MPHOSPH8: variants seen among roughly 807,000 people sequenced by gnomAD.
MPHOSPH8 encodes M-phase phosphoprotein, mpp.
A neutral mutation model predicts 87.3 loss-of-function variants in MPHOSPH8; 45 were observed. The observed-to-expected ratio is 0.52, with a 90% CI of 0.41 to 0.66. The LOEUF (loss-of-function observed/expected upper bound fraction) is 0.66, where lower values mean the gene tolerates loss of function less well. MPHOSPH8 is among the 30% of genes least tolerant of loss of function. MPHOSPH8 has a pLI of 0.00. For missense variants in MPHOSPH8, 883 were observed against 1,020.2 expected (o/e 0.87, Z 1.83); for synonymous variants, 366 against 376.9 (o/e 0.97, Z 0.33).
At chr13:19,643,119 G>A (rs1328078808) in intron 2 of MPHOSPH8, among the ~76,000 whole-genome samples, 1 of 152,080 alleles carries the variant, frequency 6.6e-6, no homozygotes, top group Non-Finnish European at 1.5e-5. Flanking sequence ...TCTTTTTTGA[G>A]TAAACATGGA....
intron 11 of MPHOSPH8, 98 bp from the exon 12 acceptor site, chr13:19,670,138 A>G: frequency 2.1e-6 from 3 of 1,455,338 alleles, no homozygotes; most frequent in South Asian, 2.5e-5. Context: ...CTGTCTGACC[A>G]GGCCCAGCTC....
chr13:19,668,542 G>A lies in MPHOSPH8; in HGVS notation c.2329+11G>A. On this transcript the variant is annotated intron_variant, in intron 11 of 13. Coordinates refer to ENST00000361479, the MANE Select transcript of MPHOSPH8 (RefSeq NM_017520.4). Reference sequence around the variant, plus strand: ...AGAACATACCAGAAGGTAAGCCGATGCCTCCCTTCACACTTTTCTATGTGA... The same window carrying A: ...AGAACATACCAGAAGGTAAGCCGATACCTCCCTTCACACTTTTCTATGTGA... 6.2e-7 allele frequency: 1 copy of A among 1,609,950 alleles called. No homozygotes were observed. The highest frequency in any genetic ancestry group is 8.5e-7 in the Non-Finnish European group (1 of 1,178,154).
At chr13:19,651,450 C>T (rs1247461570) in intron 5 of MPHOSPH8, among the ~76,000 whole-genome samples, 1 of 151,678 alleles carries the variant, frequency 6.6e-6, no homozygotes, top group Non-Finnish European at 1.5e-5. Context: ...TTGCTTGAAC[C>T]TGGGAGGCGG....
rs1876157478 is a variant in MPHOSPH8, at chr13:19,671,998, C to T, written c.*123C>T. 1.0e-6 allele frequency: 1 copy of T among 984,494 alleles called. No individual in the cohort carries two copies. The highest frequency in any genetic ancestry group is 1.4e-5 in the South Asian group (1 of 71,082). The allele number at this position is 984,494 out of a possible 1,614,324, so 61.0% of individuals were successfully genotyped here. ...TGTCTGTAAACCTCTTGCAGTTAAG[C>T]CTGTTGTCTGTTGTAGTCTGTAAGA... On this transcript the variant is annotated 3_prime_UTR_variant, in exon 14 of 14. Transcript: ENST00000361479.
At chr13:19,664,385 A>AT (rs1448259770) in intron 9 of MPHOSPH8, among the ~76,000 whole-genome samples, 1 of 152,156 alleles carries the variant, frequency 6.6e-6, no homozygotes, top group Non-Finnish European at 1.5e-5. Flanking sequence ...ACGCAGGTGC[A>AT]TTTAGAGCAT....
In MPHOSPH8 at chr13:19,647,182, A is replaced by G; in HGVS notation, c.1109A>G (p.Lys370Arg). ...AAGCAGAGGAATCAAGACAGAAGCA[A>G]AAGTGCTGCAGAGTTAGAGAAGCTG... Reference protein sequence around the residue: ...PKKQRNQDRSKSAAELEKLMP... With the variant: ...PKKQRNQDRSRSAAELEKLMP... Residue 370 changes from lysine (K) to arginine (R), a missense_variant, in exon 3 of 14, where the codon AAA becomes AGA. Physicochemically the swap from Lys to Arg is conservative, Grantham distance 26. Transcript: ENST00000361479. 1.2e-6 allele frequency: 2 copies of G among 1,614,180 alleles called. No homozygotes were observed. Among genetic ancestry groups the G allele is most frequent in the Non-Finnish European group, 1.7e-6 (2 of 1,180,034 alleles).
chr13:19,670,366 AAG>A lies in MPHOSPH8; in HGVS notation c.2457+5_2457+6del. 1 of 1,613,644 alleles carries A rather than the reference AAG, an allele frequency of 6.2e-7. No homozygotes were observed. Among genetic ancestry groups the A allele is most frequent in the Non-Finnish European group, 8.5e-7 (1 of 1,179,614 alleles). On this transcript the variant is annotated splice_donor_5th_base_variant and intron_variant, in intron 12 of 13. Transcript: ENST00000361479. ...AATTTCAGCTTCCTGTTTTTCTGGT[AAG>A]ATACTCTGTATTTCACTACTGAAAA...
intron 1 of MPHOSPH8, among the ~76,000 whole-genome samples, chr13:19,641,643 C>A (rs536668041): frequency 6.6e-6 from 1 of 151,840 alleles, no homozygotes; most frequent in Admixed American, 6.6e-5. Context: ...CAGGCGCCCA[C>A]CACCACACCC....
Position 19,661,720 on chromosome 13 carries a change from T to C in MPHOSPH8, c.1814T>C (p.Val605Ala). ...CAGGATTCCAGTGGAATGACACTGG[T>C]GATGCTTGCCGCCGCCGGAGGGCAG... ...DQEDSSGMTLVMLAAAGGQDD... is the reference protein window; with the variant it reads ...DQEDSSGMTLAMLAAAGGQDD... The change falls in exon 8 of 14, where the codon GTG (valine) becomes GCG (alanine). Residue 605 changes from valine (V) to alanine (A), a missense_variant. Around this residue, in one of 3 missense-constraint regions of MPHOSPH8, gnomAD observed 741 missense variants for 841.5 expected, o/e 0.88. Transcript: ENST00000361479. 1.2e-6 allele frequency: 2 copies of C among 1,609,510 alleles called. No homozygotes were observed. Among genetic ancestry groups the C allele is most frequent in the Non-Finnish European group, 1.7e-6 (2 of 1,176,878 alleles).
At chr13:19,667,388 T>G (rs187941828) in intron 10 of MPHOSPH8, among the ~76,000 whole-genome samples, 85 of 152,272 alleles carry the variant, frequency 5.6e-4, no homozygotes, top group Middle Eastern at 3.4e-3. Context: ...GAGCGCAGCA[T>G]TGACATTAGG....
Position 19,633,800 on chromosome 13 carries a change from G to A in MPHOSPH8, c.52G>A (p.Ala18Thr), listed in dbSNP as rs1462814716. 1.2e-6 allele frequency: 2 copies of A among 1,608,972 alleles called. No homozygotes were observed. Among genetic ancestry groups the A allele is most frequent in the Non-Finnish European group, 1.7e-6 (2 of 1,178,056 alleles). ...ARVTAVPVSA[A>T]DSTEELAEVE... Reference sequence around the variant, plus strand: ...GGTGACCGCAGTCCCTGTGTCAGCTGCCGACAGCACTGAGGAGTTGGCCGA... The same window carrying A: ...GGTGACCGCAGTCCCTGTGTCAGCTACCGACAGCACTGAGGAGTTGGCCGA... Residue 18 changes from alanine (A) to threonine (T), a missense_variant, in exon 1 of 14, where the codon GCC (alanine) becomes ACC (threonine). By Grantham distance (58) the Ala-to-Thr change is moderately conservative. Transcript: ENST00000361479.
intron 1 of MPHOSPH8, 109 bp downstream of exon 1, chr13:19,634,070 A>G (rs1692853528): frequency 1.1e-5 from 13 of 1,136,264 alleles, no homozygotes; most frequent in African/African-American, 1.5e-5. Context: ...CGGGGGAGGA[A>G]TGTGAGAGTT....
At chr13:19,664,737 T>C (rs1232673758) in intron 9 of MPHOSPH8, among the ~76,000 whole-genome samples, 1 of 152,062 alleles carries the variant, frequency 6.6e-6, no homozygotes, top group East Asian at 1.9e-4. Flanking sequence ...GGGGCACGGC[T>C]GGCAGAGCTG....
At chr13:19,657,163 TAAAG>T (rs1258026402) in intron 5 of MPHOSPH8, among the ~76,000 whole-genome samples, 1 of 149,674 alleles carries the variant, frequency 6.7e-6, no homozygotes, top group Non-Finnish European at 1.5e-5. Flanking sequence ...GAGAAAATTT[TAAAG>T]ATTTCTTGAT....
intron 7 of MPHOSPH8, among the ~76,000 whole-genome samples, chr13:19,659,955 ATTTTTTTTTTTTT>A (rs34817892): frequency 1.7e-5 from 1 of 59,134 alleles, no homozygotes; most frequent in Non-Finnish European, 3.2e-5. Flanking sequence ...ATATGTATGG[ATTTTTTTTTTTTT>A]TTTTTTTTTT....
intron 1 of MPHOSPH8, among the ~76,000 whole-genome samples, chr13:19,638,078 G>A (rs1459530980): frequency 6.6e-6 from 1 of 150,400 alleles, no homozygotes; most frequent in Admixed American, 6.6e-5. Context: ...TCCAGCCTGG[G>A]CGAAAGAGTG....
chr13:19,643,559 T>C (rs145031507), intron 2 of MPHOSPH8, among the ~76,000 whole-genome samples: 1 of 152,348 alleles, frequency 6.6e-6, no homozygotes, highest in African/African-American at 2.4e-5. Flanking sequence ...CTGATTTTTC[T>C]TTTAAAGATG....
chr13:19,668,330 G>C (rs1875930988), intron 10 of MPHOSPH8, 47 bp from the exon 11 acceptor site: 2 of 1,561,698 alleles, frequency 1.3e-6, no homozygotes, highest in Non-Finnish European at 1.7e-6. Flanking sequence ...ACAGGCTTGT[G>C]GTTCTTTTCT....
At chr13:19,665,662 G>A (rs919696849) in intron 9 of MPHOSPH8, among the ~76,000 whole-genome samples, 7 of 152,202 alleles carry the variant, frequency 4.6e-5, no homozygotes, top group South Asian at 4.1e-4. Context: ...CTAGGGCTGC[G>A]GGAGTGCCAC....
Sources: allele counts gnomAD v4.1 joint callset (sites outside exome capture counted in the v4.1 genomes callset), GRCh38; gene constraint gnomAD v4.1.1; regional missense constraint gnomAD v4.1.1; transcripts MANE v1.5; gene names NCBI Gene and HGNC (gene_info 2026-07-23, HGNC 2026-07-21).